The following PRKCH variants were observed in gnomAD, a reference collection of about 807,000 sequenced individuals.
PRKCH encodes the protein protein kinase C eta type.
Under a neutral mutation model 82.5 loss-of-function variants are expected in PRKCH, and 28 were observed. That is an observed-to-expected ratio of 0.34 (90% CI 0.25 to 0.47). PRKCH has a LOEUF of 0.47. Ranked by LOEUF, PRKCH falls within the 20% of genes least tolerant of loss-of-function variation. The pLI is 1.00. For missense variants in PRKCH, 705 were observed against 881.8 expected, an observed-to-expected ratio of 0.80 and a Z score of 2.54; for synonymous variants, 322 against 327.4, an observed-to-expected ratio of 0.98 and a Z score of 0.18.
chr14:61,331,678 C>T (rs905739039), intron 1 of PRKCH, among the ~76,000 whole-genome samples: 23 of 152,302 alleles, frequency 1.5e-4, no homozygotes, highest in African/African-American at 5.1e-4. Context: ...CCCATTTCCC[C>T]GTTATATTGT....
chr14:61,415,353 C>T (rs994665377), intron 2 of PRKCH, among the ~76,000 whole-genome samples: 1 of 152,214 alleles, frequency 6.6e-6, no homozygotes, highest in African/African-American at 2.4e-5. Flanking sequence ...ACAAGAGTTG[C>T]AGAGGGTCCC....
At chr14:61,310,043 G>A (rs995130936) in intron 1 of PRKCH, among the ~76,000 whole-genome samples, 9 of 152,070 alleles carry the variant, frequency 5.9e-5, no homozygotes, top group East Asian at 1.9e-4. Context: ...CCCCCCCTCC[G>A]TGATCCAATC....
intron 1 of PRKCH, among the ~76,000 whole-genome samples, chr14:61,357,184 G>T (rs2046161778): frequency 1.3e-5 from 2 of 152,204 alleles, no homozygotes; most frequent in Non-Finnish European, 2.9e-5. Context: ...ACCTGTGCGT[G>T]AACTTCCAAG....
At position 61,457,569 on chromosome 14, in the gene PRKCH, G is replaced by A. The variant is rs913605736; in HGVS notation, c.1168G>A (p.Val390Met). 6.8e-6 allele frequency: 11 copies of A among 1,614,006 alleles called. No homozygotes were observed. Among genetic ancestry groups the A allele is most frequent in the Non-Finnish European group, 9.3e-6 (11 of 1,180,022 alleles). Residue 390 changes from valine to methionine, a missense_variant, in exon 9 of 14, where the codon GTG becomes ATG. Val to Met is a conservative substitution (Grantham distance 21, BLOSUM62 1). This residue lies in a region of PRKCH where 238 missense variants were observed against 258.1 expected (regional missense o/e 0.92). Transcript: ENST00000332981. ...LYAVKVLKKD[V>M]ILQDDDVECT... ...TGCTGTGAAGGTGCTGAAGAAGGAC[G>A]TGATTCTGCAGGATGATGATGTGGA...
intron 1 of PRKCH, among the ~76,000 whole-genome samples, chr14:61,313,237 C>A (rs994725632): frequency 2.0e-5 from 3 of 152,158 alleles, no homozygotes; most frequent in Non-Finnish European, 4.4e-5. Context: ...ACAAGCCATA[C>A]AGTTTAATAA....
intron 1 of PRKCH, among the ~76,000 whole-genome samples, chr14:61,286,830 G>A (rs1373419954): frequency 1.3e-5 from 2 of 152,090 alleles, no homozygotes; most frequent in Non-Finnish European, 2.9e-5. Flanking sequence ...GTTGCAGGGG[G>A]CAGTATAAAG....
intron 1 of PRKCH, among the ~76,000 whole-genome samples, chr14:61,262,127 A>G (rs1483739288): frequency 6.6e-6 from 1 of 150,866 alleles, no homozygotes; most frequent in Non-Finnish European, 1.5e-5. Flanking sequence ...AGGCGGAGGC[A>G]GGAGAATTGC....
intron 2 of PRKCH, among the ~76,000 whole-genome samples, chr14:61,414,804 T>TGCATCTTCTGTCC (rs1882468643): frequency 6.6e-6 from 1 of 152,120 alleles, no homozygotes; most frequent in Non-Finnish European, 1.5e-5. Context: ...TTAGCAAACA[T>TGCATCTTCTGTCC]GCATCTTCTG....
rs186116186 is a variant in PRKCH at position 61,350,438 on chromosome 14, T to C, written c.363+27974T>C. 2.7e-3 allele frequency among the ~76,000 whole-genome samples: 418 copies of C among 152,298 alleles called. 2 individuals carry two copies. The highest frequency in any genetic ancestry group is 0.01 in the Middle Eastern group (3 of 294). ...ATGGGCTTTTATAGAAAATAAGAAT[T>C]ACTTTTCTTCTGTAAGGTCAGTGTT... On this transcript the variant is annotated intron_variant, in intron 1 of 13. Coordinates refer to ENST00000332981, the MANE Select transcript of PRKCH (RefSeq NM_006255.5).
intron 1 of PRKCH, among the ~76,000 whole-genome samples, chr14:61,359,651 G>A (rs1015285967): frequency 2.0e-5 from 3 of 152,180 alleles, no homozygotes; most frequent in Admixed American, 1.3e-4. Context: ...CTACTTTAGA[G>A]GCTGCCTGTA....
chr14:61,412,850 G>A lies in PRKCH; in HGVS notation c.427+21562G>A, dbSNP rs200488219. 7.2e-5 allele frequency among the ~76,000 whole-genome samples: 11 copies of A among 152,112 alleles called. No homozygotes were observed. The East Asian group carries it at 9.7e-4, about 13-fold the overall frequency. The stretch of plus-strand genomic sequence containing the variant: ...ATCTTTATGTGCCTGCTGTCCCTCA[G>A]TGTGGCCATCTCTTTTCTTCCTTTC... On this transcript the variant is annotated intron_variant, in intron 2 of 13. Transcript: ENST00000332981.
intron 13 of PRKCH, among the ~76,000 whole-genome samples, chr14:61,549,440 G>A (rs1386724731): frequency 3.3e-5 from 5 of 152,218 alleles, no homozygotes; most frequent in Admixed American, 6.5e-5. Context: ...CTCCCATTAA[G>A]ACAGGCCTGC....
intron 1 of PRKCH, among the ~76,000 whole-genome samples, chr14:61,259,948 C>T (rs566869965): frequency 3.9e-5 from 6 of 152,098 alleles, no homozygotes; most frequent in Non-Finnish European, 7.4e-5. Context: ...TATAAGTGAC[C>T]GAGCCTTCAT....
intron 12 of PRKCH, among the ~76,000 whole-genome samples, chr14:61,538,074 C>A (rs1030878617): frequency 2.0e-5 from 3 of 152,204 alleles, no homozygotes; most frequent in Non-Finnish European, 4.4e-5. Context: ...AGGAAGCCAG[C>A]AAAGGTGGTC....
chr14:61,259,886 G>A (rs1202880276), intron 1 of PRKCH, among the ~76,000 whole-genome samples: 6 of 152,154 alleles, frequency 3.9e-5, no homozygotes, highest in African/African-American at 1.2e-4. Context: ...AAGATGATGT[G>A]AGAATATTAA....
At chr14:61,350,450 G>A (rs1205898465) in intron 1 of PRKCH, among the ~76,000 whole-genome samples, 2 of 152,128 alleles carry the variant, frequency 1.3e-5, no homozygotes, top group Non-Finnish European at 2.9e-5. Context: ...CTTTTCTTCT[G>A]TAAGGTCAGT....
At chr14:61,205,816 G>A (rs942789526) in intron 1 of PRKCH, among the ~76,000 whole-genome samples, 4 of 152,198 alleles carry the variant, frequency 2.6e-5, no homozygotes, top group African/African-American at 4.8e-5. Context: ...GAGGAATTCC[G>A]TACTGTTCCT....
At chr14:61,196,883 T>C (rs1030533277) in intron 1 of PRKCH, among the ~76,000 whole-genome samples, 1 of 152,178 alleles carries the variant, frequency 6.6e-6, no homozygotes, top group African/African-American at 2.4e-5. Flanking sequence ...TTTTATTAAG[T>C]GCTATCACTT....
At chr14:61,357,580 G>T (rs577141718) in intron 1 of PRKCH, among the ~76,000 whole-genome samples, 1 of 152,020 alleles carries the variant, frequency 6.6e-6, no homozygotes, top group Non-Finnish European at 1.5e-5. Context: ...TGTTCTCTGC[G>T]TTTTCCATTT....
Sources: allele counts gnomAD v4.1 joint callset (sites outside exome capture counted in the v4.1 genomes callset), GRCh38; gene constraint gnomAD v4.1.1; regional missense constraint gnomAD v4.1.1; transcripts MANE v1.5; gene names NCBI Gene and HGNC (gene_info 2026-07-23, HGNC 2026-07-21).